TBXT: variants seen among roughly 807,000 people sequenced by gnomAD.
TBXT encodes T brachyury transcription factor.
Under a neutral mutation model 41.1 loss-of-function variants are expected in TBXT, and 19 were observed. The observed-to-expected ratio is 0.46, with a 90% CI of 0.32 to 0.68. The LOEUF is 0.68. TBXT is among the 30% of genes least tolerant of loss of function. The probability of loss-of-function intolerance (pLI) is 0.03; values close to 1 mark genes in which losing one functional copy is unlikely to be tolerated. For synonymous variants in TBXT, 213 were observed against 238.9 expected (o/e 0.89, Z 1.00); for missense variants, 536 against 582.0 (o/e 0.92, Z 0.81).
chr6:166,158,614 A>G (rs751344421), intron 7 of TBXT, 26 bp from the exon 8 acceptor site: 1 of 1,486,976 alleles, frequency 6.7e-7, no homozygotes, highest in Non-Finnish European at 9.0e-7. Context: ...ACCAGTGAGC[A>G]GGGCCTGGGC....
chr6:166,167,862 A>G, upstream of TBXT: 1 of 517,552 alleles, frequency 1.9e-6, no homozygotes, highest in East Asian at 3.3e-5. Flanking sequence ...GGGGACCGAA[A>G]TTCAGTGCCC....
chr6:166,164,671 C>T lies in TBXT; in HGVS notation c.669-5G>A, dbSNP rs910048500. 1 of 1,601,258 alleles carries T rather than the reference C, an allele frequency of 6.2e-7. No homozygotes were observed. The highest frequency in any genetic ancestry group is 8.5e-7 in the Non-Finnish European group (1 of 1,176,532). On this transcript the variant is annotated splice_polypyrimidine_tract_variant and splice_region_variant and intron_variant, in intron 4 of 7. Coordinates refer to ENST00000366876, the MANE Select transcript of TBXT (RefSeq NM_001366285.2). Reference sequence around the variant, plus strand: ...ATCATCTCTTTGTGATCACTTCTATCAAAATGAAAAAAAAAAAGTATATCG... The same window carrying T: ...ATCATCTCTTTGTGATCACTTCTATTAAAATGAAAAAAAAAAAGTATATCG...
In TBXT at chr6:166,166,625, G is replaced by C; in HGVS notation, c.438C>G (p.Val146=). The change falls in exon 2 of 8, where the codon GTC becomes GTG. Residue 146 remains valine (V), a synonymous_variant. Coordinates refer to ENST00000366876, the MANE Select transcript of TBXT (RefSeq NM_001366285.2). ...CTCCGTTGAGCTTGTTGGTGAGCTT[G>C]ACTTTGCTGAAGGAGACGGGAGCCT... ...WMKAPVSFSK[V]KLTNKLNGGG... 6.2e-7 allele frequency: 1 copy of C among 1,614,074 alleles called. No homozygotes were observed. Among genetic ancestry groups the C allele is most frequent in the Non-Finnish European group, 8.5e-7 (1 of 1,180,026 alleles).
chr6:166,159,839 T>C (rs1778898744), intron 7 of TBXT, among the ~76,000 whole-genome samples: 2 of 152,216 alleles, frequency 1.3e-5, no homozygotes, highest in South Asian at 4.1e-4. Flanking sequence ...GGGGCCTCTG[T>C]CAACAGCTTG....
upstream of TBXT, chr6:166,168,606 C>A (rs1280864812): frequency 6.6e-6 from 1 of 152,372 alleles, no homozygotes; most frequent in Non-Finnish European, 1.5e-5. Context: ...AAGGTCCGCG[C>A]GCAGAGAGGG....
rs776964790 is a variant in TBXT, at chr6:166,166,661, G to A, written c.402C>T (p.Ala134=). Residue 134 remains alanine, a synonymous_variant, in exon 2 of 8, where the codon GCC becomes GCT. Transcript: ENST00000366876. ...AGGAGACGGGAGCCTTCATCCAGTG[G>A]GCCCCGAAGTTGGGCGAGTCGGGGT... ...YIHPDSPNFG[A]HWMKAPVSFS... 3.1e-6 allele frequency: 5 copies of A among 1,614,076 alleles called. No homozygotes were observed. In the South Asian group the frequency reaches 5.5e-5, roughly 18 times the overall value.
chr6:166,158,257 A>G lies in TBXT; in HGVS notation c.*58T>C, dbSNP rs1290095794. Reference sequence around the variant, plus strand: ...GGGTACCTAGTAGGTCAATCCAGTCACCACTGGCTGCCACGACAAAAAGTC... The same window carrying G: ...GGGTACCTAGTAGGTCAATCCAGTCGCCACTGGCTGCCACGACAAAAAGTC... On this transcript the variant is annotated 3_prime_UTR_variant, in exon 8 of 8. Coordinates refer to ENST00000366876, the MANE Select transcript of TBXT (RefSeq NM_001366285.2). 1 of 1,613,858 alleles carries G rather than the reference A, an allele frequency of 6.2e-7. No individual in the cohort carries two copies. Among genetic ancestry groups the G allele is most frequent in the Non-Finnish European group, 8.5e-7 (1 of 1,179,792 alleles).
intron 3 of TBXT, 86 bp from the exon 4 acceptor site, chr6:166,164,947 T>C (rs1427026098): frequency 9.4e-7 from 1 of 1,067,022 alleles, no homozygotes; most frequent in Non-Finnish European, 1.4e-6. Context: ...GAAATGCCAG[T>C]ACCACTTTTA....
intron 3 of TBXT, 25 bp downstream of exon 3, chr6:166,165,681 A>T: frequency 6.2e-7 from 1 of 1,613,404 alleles, no homozygotes; most frequent in African/African-American, 1.3e-5. Flanking sequence ...ACACCGGGAA[A>T]GCGATCCGCC....
In TBXT at chr6:166,162,599, G is replaced by A; in HGVS notation, c.755C>T (p.Thr252Ile). 1 of 1,613,710 alleles carries A rather than the reference G, an allele frequency of 6.2e-7. No individual in the cohort carries two copies. Among genetic ancestry groups the A allele is most frequent in the Non-Finnish European group, 8.5e-7 (1 of 1,179,804 alleles). Residue 252 changes from threonine to isoleucine, a missense_variant, in exon 6 of 8, where the codon ACC becomes ATC. Coordinates refer to ENST00000366876, the MANE Select transcript of TBXT (RefSeq NM_001366285.2). ...SQSGGWLLPG[T>I]STLCPPANPH... ...ATTTGCAGGTGGACACAGGGTGCTG[G>A]TTCCAGGAAGAAGCCACCCCCCTGC... is the stretch of plus-strand genomic sequence containing the variant.
intron 1 of TBXT, among the ~76,000 whole-genome samples, 187 bp downstream of exon 1, chr6:166,167,199 C>T (rs933604886): frequency 1.3e-5 from 2 of 152,250 alleles, no homozygotes; most frequent in Non-Finnish European, 2.9e-5. Context: ...CCTCCCCAAG[C>T]TTCCGCGGAG....
At chr6:166,161,881 C>A (rs997525835) in intron 6 of TBXT, among the ~76,000 whole-genome samples, 3 of 152,194 alleles carry the variant, frequency 2.0e-5, no homozygotes, top group Non-Finnish European at 4.4e-5. Flanking sequence ...CGAGATCGTG[C>A]GACTGCACTC....
In TBXT at chr6:166,158,397, T is replaced by C; in HGVS notation, c.1229A>G (p.Asp410Gly). ...GGCGTCGTACTGGCTGTCCACGATG[T>C]CTGTGGCCGCGGCCGCCCCTTCGTA... ...PLYEGAAAAT[D>G]IVDSQYDAAA... The change falls in exon 8 of 8, where the codon GAC becomes GGC. Residue 410 changes from aspartate to glycine, a missense_variant. Asp to Gly is a moderately conservative substitution (Grantham distance 94). Coordinates refer to ENST00000366876, the MANE Select transcript of TBXT (RefSeq NM_001366285.2). 1 of 1,614,162 alleles carries C rather than the reference T, an allele frequency of 6.2e-7. No individual in the cohort carries two copies. Among genetic ancestry groups the C allele is most frequent in the Admixed American group, 1.7e-5 (1 of 60,034 alleles).
chr6:166,168,065 G>A (rs1299463556), upstream of TBXT, among the ~76,000 whole-genome samples: 1 of 151,904 alleles, frequency 6.6e-6, no homozygotes, highest in African/African-American at 2.4e-5. Context: ...CCCCAGCCCT[G>A]CGAGCCCCGG....
rs1295849252 is a variant in TBXT at position 166,167,442 on chromosome 6, C to A, written c.150G>T (p.Glu50Asp). 1 of 1,613,152 alleles carries A rather than the reference C, an allele frequency of 6.2e-7. No individual in the cohort carries two copies. Among genetic ancestry groups the A allele is most frequent in the Non-Finnish European group, 8.5e-7 (1 of 1,179,960 alleles). ...RELRVGLEES[E>D]LWLRFKELTN... Reference sequence around the variant, plus strand: ...TGAGCTCCTTGAAGCGCAGCCACAGCTCGCTCTCCTCCAGGCCCACGCGCA... The same window carrying A: ...TGAGCTCCTTGAAGCGCAGCCACAGATCGCTCTCCTCCAGGCCCACGCGCA... Residue 50 changes from glutamate (E) to aspartate (D), a missense_variant, in exon 1 of 8, where the codon GAG (glutamate) becomes GAT (aspartate). Glu to Asp is a conservative substitution (Grantham distance 45). Coordinates refer to ENST00000366876, the MANE Select transcript of TBXT (RefSeq NM_001366285.2).
chr6:166,158,780 G>A (rs1179209479), intron 7 of TBXT, among the ~76,000 whole-genome samples, 192 bp from the exon 8 acceptor site: 23 of 152,234 alleles, frequency 1.5e-4, no homozygotes, highest in Admixed American at 1.4e-3. Context: ...AGTTATTGTC[G>A]TATCTATTAA....
At position 166,162,228 on chromosome 6, in the gene TBXT, A is replaced by C. The variant is rs901645224; in HGVS notation, c.907+219T>G. Among the ~76,000 whole-genome samples the C allele has an allele frequency of 2.6e-5, 4 of 152,212 alleles. 1 individual carries two copies. In the East Asian group the frequency reaches 7.7e-4, roughly 29 times the overall value. The stretch of plus-strand genomic sequence containing the variant: ...GCTCTGAGGCCTGTGCAAGGATGCA[A>C]GCCTCTGATCTGGGTGTCCGTGGTT... On this transcript the variant is annotated intron_variant, in intron 6 of 7. Transcript: ENST00000366876.
At position 166,167,441 on chromosome 6, in the gene TBXT, G is replaced by C; in HGVS notation, c.151C>G (p.Leu51Val). Reference sequence around the variant, plus strand: ...GTGAGCTCCTTGAAGCGCAGCCACAGCTCGCTCTCCTCCAGGCCCACGCGC... The same window carrying C: ...GTGAGCTCCTTGAAGCGCAGCCACACCTCGCTCTCCTCCAGGCCCACGCGC... ...ELRVGLEESE[L>V]WLRFKELTNE... The change falls in exon 1 of 8, where the codon CTG (leucine) becomes GTG (valine). Residue 51 changes from leucine to valine, a missense_variant. Leu to Val is a conservative substitution (Grantham distance 32). Coordinates refer to ENST00000366876, the MANE Select transcript of TBXT (RefSeq NM_001366285.2). 6.2e-7 allele frequency: 1 copy of C among 1,613,132 alleles called. No individual in the cohort carries two copies. The highest frequency in any genetic ancestry group is 8.5e-7 in the Non-Finnish European group (1 of 1,179,958).
At position 166,167,747 on chromosome 6, in the gene TBXT, G is replaced by C; in HGVS notation, c.-156C>G. On this transcript the variant is annotated 5_prime_UTR_variant, in exon 1 of 8. Coordinates refer to ENST00000366876, the MANE Select transcript of TBXT (RefSeq NM_001366285.2). ...GGGTCCCGGGTCCCGGCACAGACCC[G>C]GGAGGAGGGCGCGGACCAAGACTTG... 1.1e-6 allele frequency: 1 copy of C among 927,220 alleles called. No homozygotes were observed. The highest frequency in any genetic ancestry group is 1.6e-6 in the Non-Finnish European group (1 of 615,754). 57.4% of individuals were successfully genotyped at this position (927,220 alleles called of 1,614,324 possible). A position where few individuals can be genotyped will look rare whatever the true frequency, so the allele number is the denominator to read the frequency against.
Sources: gnomAD v4.1 joint callset for allele counts (sites outside exome capture counted in the v4.1 genomes callset) on GRCh38, gnomAD v4.1.1 for gene constraint, MANE v1.5 for transcripts, NCBI Gene and HGNC (gene_info 2026-07-23, HGNC 2026-07-21) for gene names.